The following COL7A1 variants were observed in gnomAD, a reference collection of about 807,000 sequenced individuals.
The protein encoded by COL7A1 is collagen type VII alpha 1 chain, also known as collagen alpha-1(VII) chain.
In COL7A1, 296 loss-of-function variants were observed where a neutral mutation model predicts 456.2. The ratio of observed to expected loss-of-function variants is 0.65; its 90% CI spans 0.59 to 0.71. The LOEUF is 0.71. Among genes scored for constraint, COL7A1 ranks in the 30% least tolerant of loss-of-function variants. The pLI, the probability that COL7A1 is intolerant of heterozygous loss-of-function variation, is 0.00. For missense variants in COL7A1, 3,441 were observed against 4,017.2 expected (o/e 0.86, Z 3.88); for synonymous variants, 1,464 against 1,525.9 (o/e 0.96, Z 0.95).
At position 48,572,443 on chromosome 3, in the gene COL7A1, T is replaced by G. The variant is rs1247421146; in HGVS notation, c.6937-22A>C. 1 of 1,613,914 alleles carries G rather than the reference T, an allele frequency of 6.2e-7. No homozygotes were observed. Among genetic ancestry groups the G allele is most frequent in the East Asian group, 2.2e-5 (1 of 44,846 alleles). ...CTCCCTGGTAAGGGGGAGAGGTCAG[T>G]GGGATTCCTTGGCCCCCACCAGTTG... On this transcript the variant is annotated intron_variant, in intron 89 of 118. Coordinates refer to ENST00000681320, the MANE Select transcript of COL7A1 (RefSeq NM_000094.4). The surrounding 1 kb of genome is among the most constrained non-coding windows in gnomAD (Gnocchi z 4.6).
Position 48,586,892 on chromosome 3 carries a change from G to A in COL7A1, c.3276+80C>T. 1 of 1,547,200 alleles carries A rather than the reference G, an allele frequency of 6.5e-7. No individual in the cohort carries two copies. The highest frequency in any genetic ancestry group is 8.7e-7 in the Non-Finnish European group (1 of 1,143,796). ...GGGAGAATGCCTGAACCTATTGGGT[G>A]GTCAGGAGATGGTAACTGGTATGGA... On this transcript the variant is annotated intron_variant, in intron 25 of 118. Transcript: ENST00000681320. This position sits in a 1 kb window ranked among gnomAD's most constrained non-coding sequence, Gnocchi z 5.1.
In COL7A1 at chr3:48,588,071, G is replaced by C; in HGVS notation, c.2711-132C>G. 1 of 1,333,198 alleles carries C rather than the reference G, an allele frequency of 7.5e-7. No individual in the cohort carries two copies. The highest frequency in any genetic ancestry group is 1.0e-6 in the Non-Finnish European group (1 of 971,024). 82.6% of individuals were successfully genotyped at this position (1,333,198 alleles called of 1,614,324 possible). ...CTGACTGATCTTCCTCATCCTCACTGACCCTGCCCACTTTACGGACCCTGC... is the reference window on the plus strand; with the variant it reads ...CTGACTGATCTTCCTCATCCTCACTCACCCTGCCCACTTTACGGACCCTGC... On this transcript the variant is annotated intron_variant, in intron 21 of 118. Coordinates refer to ENST00000681320, the MANE Select transcript of COL7A1 (RefSeq NM_000094.4). This position sits in a 1 kb window ranked among gnomAD's most constrained non-coding sequence, Gnocchi z 4.6.
Position 48,564,653 on chromosome 3 carries a change from G to C in COL7A1, c.8818+130C>G, listed in dbSNP as rs965246466. ...CTCTTTGGTCTGGGCGTCTGCCCCA[G>C]GTCCCCTACTGCGAGGGAGCGTCTC... On this transcript the variant is annotated intron_variant, in intron 118 of 118. Coordinates refer to ENST00000681320, the MANE Select transcript of COL7A1 (RefSeq NM_000094.4). This position sits in a 1 kb window ranked among gnomAD's most constrained non-coding sequence, Gnocchi z 6.0. 3 of 1,161,350 alleles carry C rather than the reference G, an allele frequency of 2.6e-6. No homozygotes were observed. The highest frequency in any genetic ancestry group is 3.1e-5 in the African/African-American group (2 of 64,756). The allele number at this position is 1,161,350 out of a possible 1,614,324, so 71.9% of individuals were successfully genotyped here.
Position 48,569,845 on chromosome 3 carries a change from C to A in COL7A1, c.7521+35G>T, listed in dbSNP as rs1331794244. 4.3e-6 allele frequency: 7 copies of A among 1,614,174 alleles called. No individual in the cohort carries two copies. The highest frequency in any genetic ancestry group is 5.9e-6 in the Non-Finnish European group (7 of 1,180,010). ...AATATCATACAAGATCCACTCACCC[C>A]CCCACTCATGCCAGGACCTTCCCCA... On this transcript the variant is annotated intron_variant, in intron 100 of 118. Transcript: ENST00000681320. The surrounding 1 kb of genome is among the most constrained non-coding windows in gnomAD (Gnocchi z 4.9).
chr3:48,565,757 T>TAG lies in COL7A1; in HGVS notation c.8408-91_8408-90dup. 1 of 1,259,218 alleles carries TAG rather than the reference T, an allele frequency of 7.9e-7. No individual in the cohort carries two copies. The highest frequency in any genetic ancestry group is 1.1e-6 in the Non-Finnish European group (1 of 881,766). 78.0% of individuals were successfully genotyped at this position (1,259,218 alleles called of 1,614,324 possible). A position where few individuals can be genotyped will look rare whatever the true frequency, so the allele number is the denominator to read the frequency against. ...AGACAGAGACACACAGGCAGAGGGG[T>TAG]AGAGATACACAAAGAGATAGCAGGA... On this transcript the variant is annotated intron_variant, in intron 114 of 118. Transcript: ENST00000681320. This position sits in a 1 kb window ranked among gnomAD's most constrained non-coding sequence, Gnocchi z 4.5.
chr3:48,571,827 G>T lies in COL7A1; in HGVS notation c.7068+174C>A. Reference sequence around the variant, plus strand: ...CAAGACAGGGCCCCCAGAGCTCAGAGTGTGGAAGCCGACAGTGTGTGGCTC... The same window carrying T: ...CAAGACAGGGCCCCCAGAGCTCAGATTGTGGAAGCCGACAGTGTGTGGCTC... On this transcript the variant is annotated intron_variant, in intron 92 of 118. Transcript: ENST00000681320. This position sits in a 1 kb window ranked among gnomAD's most constrained non-coding sequence, Gnocchi z 4.6. 1.3e-6 allele frequency: 1 copy of T among 777,476 alleles called. No homozygotes were observed. Among genetic ancestry groups the T allele is most frequent in the Non-Finnish European group, 2.1e-6 (1 of 470,174 alleles). 48.2% of individuals were successfully genotyped at this position (777,476 alleles called of 1,614,324 possible). A position where few individuals can be genotyped will look rare whatever the true frequency, so the allele number is the denominator to read the frequency against.
At position 48,578,250 on chromosome 3, in the gene COL7A1, C is replaced by T. The variant is rs1464837782; in HGVS notation, c.5532+71G>A. 7 of 1,574,852 alleles carry T rather than the reference C, an allele frequency of 4.4e-6. No individual in the cohort carries two copies. Among genetic ancestry groups the T allele is most frequent in the Non-Finnish European group, 5.2e-6 (6 of 1,148,418 alleles). On this transcript the variant is annotated intron_variant, in intron 65 of 118. Transcript: ENST00000681320. The surrounding 1 kb of genome is among the most constrained non-coding windows in gnomAD (Gnocchi z 4.7). ...TACACGTGTGCCTCATGTGTTGCTA[C>T]AGATCTTGGCTGTGTAGGTGTGCTG...
In COL7A1 at chr3:48,575,780, G is replaced by T. The variant is rs1239231407; in HGVS notation, c.5857-32C>A. ...GACAGCAAGAGGTCAGAGGAGCGGG[G>T]TGCGTCGCCGCAGCCCCTATGCCTG... On this transcript the variant is annotated intron_variant, in intron 72 of 118. Coordinates refer to ENST00000681320, the MANE Select transcript of COL7A1 (RefSeq NM_000094.4). The surrounding 1 kb of genome is among the most constrained non-coding windows in gnomAD (Gnocchi z 6.3). 6.2e-7 allele frequency: 1 copy of T among 1,614,028 alleles called. No individual in the cohort carries two copies. Among genetic ancestry groups the T allele is most frequent in the Non-Finnish European group, 8.5e-7 (1 of 1,180,012 alleles).
Position 48,576,709 on chromosome 3 carries a change from T to TGGAGGCCC in COL7A1, c.5659_5666dup (p.Pro1892GlnfsTer116), listed in dbSNP as rs1553855974. On this transcript the variant is annotated frameshift_variant, in exon 68 of 119. Coordinates refer to ENST00000681320, the MANE Select transcript of COL7A1 (RefSeq NM_000094.4). LOFTEE classifies it high-confidence loss of function. ...GAGGGCCCACTGGCCCTGGGAGGCC[T>TGGAGGCCC]GGAGGCCCCTGGGGTCCAAGGATAC... 6.2e-7 allele frequency: 1 copy of TGGAGGCCC among 1,609,582 alleles called. No individual in the cohort carries two copies. The highest frequency in any genetic ancestry group is 1.3e-5 in the African/African-American group (1 of 74,976).
Position 48,579,423 on chromosome 3 carries a change from G to A in COL7A1, c.5272-19C>T. The A allele has an allele frequency of 1.2e-6, 2 of 1,614,194 alleles. No individual in the cohort carries two copies. Among genetic ancestry groups the A allele is most frequent in the Non-Finnish European group, 1.7e-6 (2 of 1,180,036 alleles). On this transcript the variant is annotated intron_variant, in intron 60 of 118. Transcript: ENST00000681320. This position sits in a 1 kb window ranked among gnomAD's most constrained non-coding sequence, Gnocchi z 4.4. ...GGTCCCCCTGGAGGGAACAGGGTCA[G>A]ATAAGAGGTGAGGGTAAGATGGGGA...
At chr3:48,589,851 G>C in intron 16 of COL7A1, 133 bp from the exon 17 acceptor site, 1 of 1,281,642 alleles carries the variant, frequency 7.8e-7, no homozygotes, top group Non-Finnish European at 1.1e-6. Context: ...GTCCAGTGGA[G>C]GAGTGGGGAG....
chr3:48,584,025 C>T lies in COL7A1; in HGVS notation c.4224+10G>A, dbSNP rs1287741567. 2.5e-6 allele frequency: 4 copies of T among 1,613,940 alleles called. No individual in the cohort carries two copies. The highest frequency in any genetic ancestry group is 3.3e-5 in the Admixed American group (2 of 60,000). ...CAAGCCACCCCTAGCACAACCTGTC[C>T]CTCACTTACCCGCTCCCCACGATCG... On this transcript the variant is annotated intron_variant, in intron 38 of 118. Coordinates refer to ENST00000681320, the MANE Select transcript of COL7A1 (RefSeq NM_000094.4).
intron 18 of COL7A1, 121 bp downstream of exon 18, chr3:48,589,206 G>T (rs1320252492): frequency 2.0e-6 from 3 of 1,499,012 alleles, no homozygotes; most frequent in African/African-American, 2.8e-5. Flanking sequence ...AGTGTGGGGT[G>T]GGTCAGTGTG....
intron 44 of COL7A1, 123 bp from the exon 45 acceptor site, chr3:48,582,776 G>A (rs550905315): frequency 2.5e-6 from 3 of 1,208,258 alleles, no homozygotes; most frequent in Admixed American, 1.9e-5. Flanking sequence ...AGGTTGGCAG[G>A]GGTAAGACTT....
chr3:48,571,116 G>C lies in COL7A1; in HGVS notation c.7149C>G (p.Gly2383=). The C allele has an allele frequency of 1.2e-6, 2 of 1,613,928 alleles. No individual in the cohort carries two copies. Among genetic ancestry groups the C allele is most frequent in the Non-Finnish European group, 1.7e-6 (2 of 1,179,980 alleles). Residue 2383 remains glycine (G), a synonymous_variant, in exon 94 of 119, where the codon GGC becomes GGG. Coordinates refer to ENST00000681320, the MANE Select transcript of COL7A1 (RefSeq NM_000094.4). The surrounding 1 kb of genome is among the most constrained non-coding windows in gnomAD (Gnocchi z 4.6). ...VGVPGSPGPP[G]PPGVKGDLGL... is the part of the protein sequence containing the mutation. Reference sequence around the variant, plus strand: ...ATTGACTTACCTTCACACCTGGAGGGCCAGGAGGCCCAGGGGAGCCCGGGA... The same window carrying C: ...ATTGACTTACCTTCACACCTGGAGGCCCAGGAGGCCCAGGGGAGCCCGGGA...
rs2043553036 is a variant in COL7A1 at position 48,565,304 on chromosome 3, C to T, written c.8528-103G>A. On this transcript the variant is annotated intron_variant, in intron 116 of 118. Transcript: ENST00000681320. The surrounding 1 kb of genome is among the most constrained non-coding windows in gnomAD (Gnocchi z 4.5). Reference sequence around the variant, plus strand: ...GTGCACACAGTGCCCATGCGTGTGCCCTGCATGCAGACCCTACGTGCTTGG... The same window carrying T: ...GTGCACACAGTGCCCATGCGTGTGCTCTGCATGCAGACCCTACGTGCTTGG... 1 of 1,490,970 alleles carries T rather than the reference C, an allele frequency of 6.7e-7. No homozygotes were observed. Among genetic ancestry groups the T allele is most frequent in the Admixed American group, 1.9e-5 (1 of 52,502 alleles). The allele number at this position is 1,490,970 out of a possible 1,614,324, so 92.4% of individuals were successfully genotyped here. A position where few individuals can be genotyped will look rare whatever the true frequency, so the allele number is the denominator to read the frequency against.
Position 48,583,150 on chromosome 3 carries a change from G to C in COL7A1, c.4459C>G (p.Pro1487Ala). The change falls in exon 43 of 119, where the codon CCC (proline) becomes GCC (alanine). Residue 1487 changes from proline to alanine, a missense_variant. Around this residue, in one of 3 missense-constraint regions of COL7A1, gnomAD observed 2,084 missense variants for 2,501.3 expected, o/e 0.83. Coordinates refer to ENST00000681320, the MANE Select transcript of COL7A1 (RefSeq NM_000094.4). The surrounding 1 kb of genome is among the most constrained non-coding windows in gnomAD (Gnocchi z 5.1). The stretch of plus-strand genomic sequence containing the variant: ...ACCTTCTCTCCAGCCTCACCCAGGG[G>C]CCCTGGAAAGCCCCGGTCACCCTGA... ...GPKGDRGFPGPLGEAGEKGER... is the reference protein window; with the variant it reads ...GPKGDRGFPGALGEAGEKGER... 6.2e-7 allele frequency: 1 copy of C among 1,613,908 alleles called. No individual in the cohort carries two copies. Among genetic ancestry groups the C allele is most frequent in the East Asian group, 2.2e-5 (1 of 44,874 alleles).
Position 48,565,331 on chromosome 3 carries a change from G to A in COL7A1, c.8527+79C>T, listed in dbSNP as rs939696846. On this transcript the variant is annotated intron_variant, in intron 116 of 118. Coordinates refer to ENST00000681320, the MANE Select transcript of COL7A1 (RefSeq NM_000094.4). The surrounding 1 kb of genome is among the most constrained non-coding windows in gnomAD (Gnocchi z 4.5). ...TGCATGCAGACCCTACGTGCTTGGC[G>A]TGTGCCCTGCATTCATGGACACCCA... 9.2e-6 allele frequency: 14 copies of A among 1,519,966 alleles called. No homozygotes were observed. The highest frequency in any genetic ancestry group is 4.8e-5 in the East Asian group (2 of 41,810). The allele number at this position is 1,519,966 out of a possible 1,614,324, so 94.2% of individuals were successfully genotyped here. A position where few individuals can be genotyped will look rare whatever the true frequency, so the allele number is the denominator to read the frequency against.
In COL7A1 at chr3:48,572,073, C is replaced by T. The variant is rs749854371; in HGVS notation, c.7024-28G>A. ...GCACAGAATGGCAGGTGAGGGGTGT[C>T]TGGACTGAGCCTTCTCTGCTCAGTA... On this transcript the variant is annotated intron_variant, in intron 91 of 118. Transcript: ENST00000681320. This position sits in a 1 kb window ranked among gnomAD's most constrained non-coding sequence, Gnocchi z 4.6. 1 of 1,612,902 alleles carries T rather than the reference C, an allele frequency of 6.2e-7. No homozygotes were observed. Among genetic ancestry groups the T allele is most frequent in the Non-Finnish European group, 8.5e-7 (1 of 1,179,590 alleles).
Sources: allele counts gnomAD v4.1 joint callset, GRCh38; gene constraint gnomAD v4.1.1; regional missense constraint gnomAD v4.1.1; non-coding constraint Gnocchi (gnomAD v3.1); transcripts MANE v1.5; gene names NCBI Gene and HGNC (gene_info 2026-07-23, HGNC 2026-07-21).